The following ALCAM variants were observed in gnomAD, a reference collection of about 807,000 sequenced individuals.
The protein encoded by ALCAM is CD166 antigen.
ALCAM carries 30 observed loss-of-function variants against 70.9 expected under a neutral mutation model. That is an observed-to-expected ratio of 0.42 (90% CI 0.32 to 0.57). The LOEUF is 0.57. Among genes scored for constraint, ALCAM ranks in the 20% least tolerant of loss-of-function variants. ALCAM has a pLI of 0.11. For missense variants in ALCAM, 591 were observed against 695.1 expected, an observed-to-expected ratio of 0.85 and a Z score of 1.68; for synonymous variants, 249 against 242.5, an observed-to-expected ratio of 1.03 and a Z score of -0.25.
chr3:105,471,847 T>C (rs1937940646), intron 1 of ALCAM, among the ~76,000 whole-genome samples: 1 of 151,268 alleles, frequency 6.6e-6, no homozygotes, highest in South Asian at 2.1e-4. Context: ...ATACAGTATG[T>C]CATTATTAAC....
At position 105,555,342 on chromosome 3, in the gene ALCAM, T is replaced by C. The variant is rs117958134; in HGVS notation, c.1664+2757T>C. Among the ~76,000 whole-genome samples the C allele has an allele frequency of 7.9e-5, 12 of 152,192 alleles. No individual in the cohort carries two copies. The East Asian group carries it at 2.3e-3, about 29-fold the overall frequency. On this transcript the variant is annotated intron_variant, in intron 14 of 15. Coordinates refer to ENST00000306107, the MANE Select transcript of ALCAM (RefSeq NM_001627.4). ...TCTCATCTGAAGCATCAAGGCTTTT[T>C]ATTAAGAATTTGTGGAATACTTCAG...
chr3:105,372,562 CAG>C (rs1436818739), intron 1 of ALCAM, among the ~76,000 whole-genome samples: 1 of 152,060 alleles, frequency 6.6e-6, no homozygotes, highest in African/African-American at 2.4e-5. Flanking sequence ...AAGGGGAAAT[CAG>C]AGTTGCGCAC....
rs574464834 is a variant in ALCAM, at chr3:105,447,842, G to A, written c.74-72225G>A. ...ATGCTGGCAGTGGAATGAGGCTCACGACATTATTATCAATAAACACATAAA... is the reference window on the plus strand; with the variant it reads ...ATGCTGGCAGTGGAATGAGGCTCACAACATTATTATCAATAAACACATAAA... On this transcript the variant is annotated intron_variant, in intron 1 of 15. Coordinates refer to ENST00000306107, the MANE Select transcript of ALCAM (RefSeq NM_001627.4). Among the ~76,000 whole-genome samples the A allele has an allele frequency of 2.6e-5, 4 of 152,256 alleles. No individual in the cohort carries two copies. The South Asian group carries it at 6.2e-4, about 24-fold the overall frequency.
chr3:105,568,064 T>TG (rs1940784174), intron 14 of ALCAM, among the ~76,000 whole-genome samples: 1 of 38,960 alleles, frequency 2.6e-5, no homozygotes, highest in South Asian at 1.0e-3. Flanking sequence ...TTTTATTTTA[T>TG]TTTTTTTTTT....
rs114299621 is a variant in ALCAM at position 105,514,235 on chromosome 3, G to T, written c.74-5832G>T. Among the ~76,000 whole-genome samples the T allele has an allele frequency of 7.7e-3, 1,163 of 152,016 alleles. 11 individuals are homozygous for T. Among genetic ancestry groups the T allele is most frequent in the African/African-American group, 0.026 (1,062 of 41,500 alleles). ...ACAAAGCACACCTAAAACTTGCCCT[G>T]TAGCAGGTGTCCAATAAATATTTGA... On this transcript the variant is annotated intron_variant, in intron 1 of 15. Transcript: ENST00000306107.
At chr3:105,558,548 G>A (rs1302914813) in intron 14 of ALCAM, among the ~76,000 whole-genome samples, 1 of 151,912 alleles carries the variant, frequency 6.6e-6, no homozygotes, top group Non-Finnish European at 1.5e-5. Flanking sequence ...CATACTTACG[G>A]GATACCCCCA....
intron 1 of ALCAM, among the ~76,000 whole-genome samples, chr3:105,489,178 G>A (rs1938512743): frequency 6.6e-6 from 1 of 152,166 alleles, no homozygotes; most frequent in South Asian, 2.1e-4. Context: ...GTTGGAGAGT[G>A]TTCTGCTCAA....
rs575814627 is a variant in ALCAM at position 105,443,634 on chromosome 3, A to G, written c.73+76153A>G. On this transcript the variant is annotated intron_variant, in intron 1 of 15. Transcript: ENST00000306107. ...TTTCTTTTAAATTATAATAAAACAT[A>G]TACATGTAGGCACATCTTATTAAAC... Among the ~76,000 whole-genome samples the G allele has an allele frequency of 6.6e-5, 10 of 152,348 alleles. No homozygotes were observed. In the South Asian group the frequency reaches 1.9e-3, roughly 28 times the overall value.
chr3:105,497,307 T>C (rs1938773566), intron 1 of ALCAM, among the ~76,000 whole-genome samples: 1 of 152,340 alleles, frequency 6.6e-6, no homozygotes, highest in South Asian at 2.1e-4. Context: ...TTTATGATGA[T>C]AAGGAACTTT....
chr3:105,473,181 T>C (rs1937985136), intron 1 of ALCAM, among the ~76,000 whole-genome samples: 1 of 151,534 alleles, frequency 6.6e-6, no homozygotes. Flanking sequence ...AAAATATATA[T>C]ATATTCATAT....
In ALCAM at chr3:105,547,232, G is replaced by T; in HGVS notation, c.1188G>T (p.Leu396=). 1 of 1,607,756 alleles carries T rather than the reference G, an allele frequency of 6.2e-7. No individual in the cohort carries two copies. ...DAGNYVCETA[L]QEVEGLKKRE... ...GAAACTATGTCTGCGAAACTGCTCT[G>T]CAGGAGGTTGAAGGACTAAAGAAAA... Residue 396 remains leucine, a synonymous_variant, in exon 10 of 16, where the codon CTG becomes CTT. Coordinates refer to ENST00000306107, the MANE Select transcript of ALCAM (RefSeq NM_001627.4).
In ALCAM at chr3:105,539,992, A is replaced by G; in HGVS notation, c.748A>G (p.Thr250Ala). 2 of 1,612,422 alleles carry G rather than the reference A, an allele frequency of 1.2e-6. No homozygotes were observed. Among genetic ancestry groups the G allele is most frequent in the South Asian group, 1.1e-5 (1 of 91,012 alleles). The change falls in exon 7 of 16, where the codon ACA (threonine) becomes GCA (alanine). Residue 250 changes from threonine to alanine, a missense_variant. By Grantham distance (58) the Thr-to-Ala change is moderately conservative (BLOSUM62 0). Around this residue, in one of 2 missense-constraint regions of ALCAM, gnomAD observed 427 missense variants for 450.4 expected, o/e 0.95. Transcript: ENST00000306107. ...FDIYYPTEQV[T>A]IQVLPPKNAI... ...TCTTACAGATCCTACAGAGCAGGTG[A>G]CAATACAAGTGCTGCCACCAAAAAA...
At chr3:105,541,363 C>T (rs1187494756) in intron 7 of ALCAM, among the ~76,000 whole-genome samples, 1 of 151,728 alleles carries the variant, frequency 6.6e-6, no homozygotes, top group African/African-American at 2.4e-5. Context: ...TTTAAAAATG[C>T]CCTTGAAACT....
At position 105,550,138 on chromosome 3, in the gene ALCAM, T is replaced by G. The variant is rs1260869335; in HGVS notation, c.1386T>G (p.Ser462=). 1 of 1,587,254 alleles carries G rather than the reference T, an allele frequency of 6.3e-7. No individual in the cohort carries two copies. Among genetic ancestry groups the G allele is most frequent in the South Asian group, 1.1e-5 (1 of 87,938 alleles). Residue 462 remains serine, a synonymous_variant, in exon 12 of 16, where the codon TCT becomes TCG. Transcript: ENST00000306107. ...TCTTCTTTTTCCAGACAGAGGAATC[T>G]CCTTATATTAATGGCAGGTATTATA... is the stretch of plus-strand genomic sequence containing the variant. The part of the protein sequence containing the change: ...SGSVINQTEE[S]PYINGRYYSK...
intron 1 of ALCAM, among the ~76,000 whole-genome samples, chr3:105,413,572 T>A (rs1406922688): frequency 1.3e-5 from 2 of 152,156 alleles, no homozygotes; most frequent in Admixed American, 6.6e-5. Flanking sequence ...ATAAGTCACC[T>A]AGCCCATTTC....
At chr3:105,569,681 T>G (rs999201371) in intron 14 of ALCAM, among the ~76,000 whole-genome samples, 1 of 152,216 alleles carries the variant, frequency 6.6e-6, no homozygotes, top group Non-Finnish European at 1.5e-5. Flanking sequence ...CATGTTCTAG[T>G]CACTGTATTA....
chr3:105,562,516 A>G (rs558211250), intron 14 of ALCAM, among the ~76,000 whole-genome samples: 108 of 152,258 alleles, frequency 7.1e-4, no homozygotes, highest in African/African-American at 2.4e-3. Flanking sequence ...TAATTTTTAT[A>G]TATTGATGGA....
chr3:105,565,280 C>G (rs1052220697), intron 14 of ALCAM, among the ~76,000 whole-genome samples: 29 of 152,134 alleles, frequency 1.9e-4, no homozygotes, highest in African/African-American at 6.8e-4. Context: ...ATATATTAGA[C>G]TGCTTGAAAT....
chr3:105,513,493 C>G (rs1011608806), intron 1 of ALCAM: 2 of 151,852 alleles, frequency 1.3e-5, no homozygotes, highest in Non-Finnish European at 2.9e-5. Context: ...CTCAAATCAC[C>G]ACAGTGCTCC....
Sources: gnomAD v4.1 joint callset for allele counts (sites outside exome capture counted in the v4.1 genomes callset) on GRCh38, gnomAD v4.1.1 for gene constraint, gnomAD v4.1.1 regional missense constraint, MANE v1.5 for transcripts, NCBI Gene and HGNC (gene_info 2026-07-23, HGNC 2026-07-21) for gene names.